CX3CR1: variants seen among roughly 807,000 people sequenced by gnomAD.
The protein encoded by CX3CR1 is C-X3-C motif chemokine receptor 1, also known as CX3C chemokine receptor 1.
For missense variants in CX3CR1, 363 were observed against 432.4 expected (o/e 0.84, Z 1.42); for synonymous variants, 168 against 178.5 (o/e 0.94, Z 0.47).
upstream of CX3CR1, among the ~76,000 whole-genome samples, chr3:39,282,330 A>G (rs1226325893): frequency 6.6e-6 from 1 of 151,278 alleles, no homozygotes; most frequent in Non-Finnish European, 1.5e-5. Flanking sequence ...CCGTACTCTC[A>G]CTCTGGTACA....
chr3:39,278,083 C>G (rs1334603472), intron 1 of CX3CR1, among the ~76,000 whole-genome samples: 3 of 152,192 alleles, frequency 2.0e-5, no homozygotes, highest in African/African-American at 7.2e-5. Flanking sequence ...AGAGCCAGGA[C>G]TTCATTCCTG....
upstream of CX3CR1, chr3:39,281,014 C>T: frequency 1.1e-6 from 1 of 920,400 alleles, no homozygotes; most frequent in South Asian, 4.9e-5. Flanking sequence ...TTGCTGCCCA[C>T]ATCCCAGCCA....
At chr3:39,292,350 A>G in the CX3CR1 span, among the ~76,000 whole-genome samples, 15 of 152,156 alleles carry the variant, frequency 9.9e-5, no homozygotes, top group Non-Finnish European at 1.8e-4. Context: ...TCCCATTTCT[A>G]AGTTCCTTGT....
chr3:39,292,798 G>C, the CX3CR1 span, among the ~76,000 whole-genome samples: 1 of 152,160 alleles, frequency 6.6e-6, no homozygotes, highest in Admixed American at 6.6e-5. Flanking sequence ...TTACCACACT[G>C]TACTTAACAA....
chr3:39,266,062 T>C lies in CX3CR1; in HGVS notation c.448A>G (p.Ser150Gly). 1 of 1,614,194 alleles carries C rather than the reference T, an allele frequency of 6.2e-7. No individual in the cohort carries two copies. Among genetic ancestry groups the C allele is most frequent in the Non-Finnish European group, 8.5e-7 (1 of 1,180,042 alleles). Residue 150 changes from serine to glycine, a missense_variant, in exon 2 of 2, where the codon AGC becomes GGC. Ser to Gly is a moderately conservative substitution (Grantham distance 56). Transcript: ENST00000399220. Reference protein sequence around the residue: ...NRTVQHGVTISLGVWAAAILV... With the variant: ...NRTVQHGVTIGLGVWAAAILV... ...ATGGCTGCTGCCCAGACGCCTAGGC[T>C]GATGGTGACGCCATGCTGCACGGTC...
At chr3:39,274,039 C>T (rs1183737972) in intron 1 of CX3CR1, among the ~76,000 whole-genome samples, 4 of 152,214 alleles carry the variant, frequency 2.6e-5, no homozygotes, top group African/African-American at 9.6e-5. Context: ...CACTTCTACA[C>T]TTCTGGGGCA....
upstream of CX3CR1, chr3:39,281,510 G>A (rs369388605): frequency 4.8e-6 from 5 of 1,051,754 alleles, no homozygotes; most frequent in African/African-American, 3.1e-5. Context: ...AATCCCCTCC[G>A]TGTTCATGAG....
At chr3:39,285,393 G>C (rs1259204418), upstream of CX3CR1, among the ~76,000 whole-genome samples, 1 of 151,944 alleles carries the variant, frequency 6.6e-6, no homozygotes, top group African/African-American at 2.4e-5. Flanking sequence ...GAAAAGAAAA[G>C]AAAAATGGAA....
At position 39,265,951 on chromosome 3, in the gene CX3CR1, A is replaced by G; in HGVS notation, c.559T>C (p.Trp187Arg). 1 of 1,614,206 alleles carries G rather than the reference A, an allele frequency of 6.2e-7. No individual in the cohort carries two copies. The highest frequency in any genetic ancestry group is 8.5e-7 in the Non-Finnish European group (1 of 1,180,030). Residue 187 changes from tryptophan to arginine, a missense_variant, in exon 2 of 2, where the codon TGG becomes CGG. Coordinates refer to ENST00000399220, the MANE Select transcript of CX3CR1 (RefSeq NM_001337.4). ...GDYPEVLQEI[W>R]PVLRNVETNF... The stretch of plus-strand genomic sequence containing the variant: ...GTTTCCACATTGCGGAGCACGGGCC[A>G]GATTTCCTGGAGGACCTCGGGGTAG...
Position 39,265,627 on chromosome 3 carries a change from A to C in CX3CR1, c.883T>G (p.Phe295Val). 6.2e-7 allele frequency: 1 copy of C among 1,614,188 alleles called. No homozygotes were observed. The highest frequency in any genetic ancestry group is 8.5e-7 in the Non-Finnish European group (1 of 1,180,020). ...HCCLNPLIYA[F>V]AGEKFRRYLY... The stretch of plus-strand genomic sequence containing the variant: ...TATCTTCTGAACTTCTCCCCAGCAA[A>C]TGCATAGATGAGAGGATTCAGGCAA... The change falls in exon 2 of 2, where the codon TTT (phenylalanine) becomes GTT (valine). Residue 295 changes from phenylalanine to valine, a missense_variant. Phe to Val is a conservative substitution (Grantham distance 50). Transcript: ENST00000399220.
Position 39,270,526 on chromosome 3 carries a change from T to A in CX3CR1, c.-9-4008A>T, listed in dbSNP as rs78796740. Among the ~76,000 whole-genome samples, 1,216 of 152,334 alleles carry A rather than the reference T, an allele frequency of 8.0e-3. 11 individuals are homozygous for A. Among genetic ancestry groups the A allele is most frequent in the Non-Finnish European group, 0.012 (794 of 68,028 alleles). ...AACAAAAACAGGCAGATCTGTATATTCTGTCATGCAACAATCTCTAAGATA... is the reference window on the plus strand; with the variant it reads ...AACAAAAACAGGCAGATCTGTATATACTGTCATGCAACAATCTCTAAGATA... On this transcript the variant is annotated intron_variant, in intron 1 of 1. Transcript: ENST00000399220.
At chr3:39,279,053 G>A (rs1216473074) in intron 1 of CX3CR1, among the ~76,000 whole-genome samples, 2 of 152,158 alleles carry the variant, frequency 1.3e-5, no homozygotes, top group Non-Finnish European at 2.9e-5. Context: ...AGCTACTTGG[G>A]AGGCTGAGGC....
intron 1 of CX3CR1, among the ~76,000 whole-genome samples, chr3:39,279,632 A>G (rs2040874185): frequency 6.6e-6 from 1 of 152,224 alleles, no homozygotes; most frequent in Non-Finnish European, 1.5e-5. Context: ...TCATCTCAAA[A>G]AATTAGCAAT....
At chr3:39,278,358 C>T (rs1281165824) in intron 1 of CX3CR1, among the ~76,000 whole-genome samples, 1 of 152,200 alleles carries the variant, frequency 6.6e-6, no homozygotes, top group Non-Finnish European at 1.5e-5. Flanking sequence ...AAAGAATCCA[C>T]CCTAGCCTTC....
chr3:39,267,534 T>C (rs1267355964), intron 1 of CX3CR1, among the ~76,000 whole-genome samples: 1 of 152,136 alleles, frequency 6.6e-6, no homozygotes, highest in Non-Finnish European at 1.5e-5. Context: ...TGCCCAGGAC[T>C]TTCCTGGTTT....
intron 1 of CX3CR1, among the ~76,000 whole-genome samples, chr3:39,267,480 T>G (rs147833866): frequency 5.9e-4 from 90 of 152,294 alleles, no homozygotes; most frequent in African/African-American, 2.1e-3. Context: ...TTAGCAGGTA[T>G]CAGACAGAGT....
upstream of CX3CR1, among the ~76,000 whole-genome samples, chr3:39,280,778 C>T (rs56372745): frequency 5.4e-3 from 825 of 152,326 alleles, 6 homozygotes; most frequent in African/African-American, 0.018. Flanking sequence ...TGGTGGGCTC[C>T]GGCATCCAGC....
chr3:39,286,654 T>A (rs2040945521), upstream of CX3CR1: 1 of 71,906 alleles, frequency 1.4e-5, no homozygotes, highest in Admixed American at 2.1e-4. Flanking sequence ...CGAGACTCCG[T>A]CTCAAAAAAA....
upstream of CX3CR1, among the ~76,000 whole-genome samples, chr3:39,282,991 G>A (rs1236026517): frequency 3.9e-5 from 6 of 152,034 alleles, no homozygotes; most frequent in South Asian, 2.1e-4. Flanking sequence ...TCCTGGGCTC[G>A]AACGATCCTC....
Sources: gnomAD v4.1 joint callset for allele counts (sites outside exome capture counted in the v4.1 genomes callset) on GRCh38, gnomAD v4.1.1 for gene constraint, MANE v1.5 for transcripts, NCBI Gene and HGNC (gene_info 2026-07-23, HGNC 2026-07-21) for gene names.